Variants in KCNH3 observed in about 807,000 individuals in gnomAD.
KCNH3 encodes voltage-gated inwardly rectifying potassium channel KCNH3.
Under a neutral mutation model 95.6 loss-of-function variants are expected in KCNH3, and 36 were observed. That is an observed-to-expected ratio of 0.38 (90% CI 0.29 to 0.50). The LOEUF (loss-of-function observed/expected upper bound fraction) is 0.50, where lower values mean the gene tolerates loss of function less well. Ranked by LOEUF, KCNH3 falls within the 20% of genes least tolerant of loss-of-function variation. KCNH3 has a pLI of 0.95. For synonymous variants in KCNH3, 620 were observed against 646.3 expected, an observed-to-expected ratio of 0.96 and a Z score of 0.62; for missense variants, 1,030 against 1,484.1, an observed-to-expected ratio of 0.69 and a Z score of 5.03.
chr12:49,547,349 G>A (rs554131761), intron 7 of KCNH3, among the ~76,000 whole-genome samples: 3 of 152,296 alleles, frequency 2.0e-5, no homozygotes, highest in Admixed American at 1.3e-4. Context: ...CTACTTGCCT[G>A]TACTTGTCTT....
rs562707868 is a variant in KCNH3, at chr12:49,555,824, G to T, written c.2341G>T (p.Gly781Cys). 1 of 1,613,336 alleles carries T rather than the reference G, an allele frequency of 6.2e-7. No individual in the cohort carries two copies. Among genetic ancestry groups the T allele is most frequent in the African/African-American group, 1.3e-5 (1 of 75,050 alleles). Reference sequence around the variant, plus strand: ...AACAGCACCCCGGCCTCGTCTAGGTGGCAGAGGGAGGCCAGGCAGGGCAGG... The same window carrying T: ...AACAGCACCCCGGCCTCGTCTAGGTTGCAGAGGGAGGCCAGGCAGGGCAGG... ...RRTAPRPRLG[G>C]RGRPGRAGAL... The change falls in exon 12 of 15, where the codon GGC becomes TGC. Residue 781 changes from glycine (G) to cysteine (C), a missense_variant. Physicochemically the swap from Gly to Cys is radical, Grantham distance 159. This residue lies in a region of KCNH3 where 464 missense variants were observed against 493.2 expected (regional missense o/e 0.94). Transcript: ENST00000257981.
Position 49,539,406 on chromosome 12 carries a change from G to A in KCNH3, c.-11G>A. 1 of 1,539,536 alleles carries A rather than the reference G, an allele frequency of 6.5e-7. No homozygotes were observed. Among genetic ancestry groups the A allele is most frequent in the South Asian group, 1.2e-5 (1 of 84,080 alleles). On this transcript the variant is annotated 5_prime_UTR_variant, in exon 1 of 15. Transcript: ENST00000257981. The surrounding 1 kb of genome is among the most constrained non-coding windows in gnomAD (Gnocchi z 6.7). ...CCGGAGGGATGGGGCGGGCAGCCGC[G>A]GGCGCCTAAGATGCCGGCCATGCGG...
At chr12:49,543,144 C>T in intron 4 of KCNH3, 131 bp from the exon 5 acceptor site, 1 of 1,010,408 alleles carries the variant, frequency 9.9e-7, no homozygotes, top group South Asian at 1.6e-5. Context: ...ATGCTAATGC[C>T]ATCTCGAAGC....
chr12:49,546,730 T>G (rs1034548078), intron 7 of KCNH3, among the ~76,000 whole-genome samples: 1 of 152,200 alleles, frequency 6.6e-6, no homozygotes, highest in Non-Finnish European at 1.5e-5. Flanking sequence ...CTTCAGGGGT[T>G]GCTGATGCCC....
Position 49,557,493 on chromosome 12 carries a change from C to T in KCNH3, c.2792C>T (p.Thr931Ile). The T allele has an allele frequency of 6.2e-7, 1 of 1,611,736 alleles. No individual in the cohort carries two copies. The highest frequency in any genetic ancestry group is 8.5e-7 in the Non-Finnish European group (1 of 1,179,836). ...GGAGAGGGGCCGTGCCCAGCCAGCACCTCCGGGCTTCTGCAGCCTCTGTGT... is the reference window on the plus strand; with the variant it reads ...GGAGAGGGGCCGTGCCCAGCCAGCATCTCCGGGCTTCTGCAGCCTCTGTGT... ...ASGEGPCPAS[T>I]SGLLQPLCVD... is the part of the protein sequence containing the mutation. Residue 931 changes from threonine (T) to isoleucine (I), a missense_variant, in exon 15 of 15, where the codon ACC becomes ATC. Physicochemically the swap from Thr to Ile is moderately conservative, Grantham distance 89 (BLOSUM62 -1). Around this residue, in one of 9 missense-constraint regions of KCNH3, gnomAD observed 464 missense variants for 493.2 expected, o/e 0.94. Coordinates refer to ENST00000257981, the MANE Select transcript of KCNH3 (RefSeq NM_012284.3).
At chr12:49,541,594 G>T (rs1225865605) in intron 2 of KCNH3, 36 bp from the exon 3 acceptor site, 1 of 1,611,980 alleles carries the variant, frequency 6.2e-7, no homozygotes, top group Non-Finnish European at 8.5e-7. Flanking sequence ...GCAGTGCTGA[G>T]AATAGGAGGT....
intron 1 of KCNH3, among the ~76,000 whole-genome samples, chr12:49,540,051 G>A (rs1375088793): frequency 1.3e-5 from 2 of 152,194 alleles, no homozygotes; most frequent in Non-Finnish European, 2.9e-5. Context: ...ATCAGGACTG[G>A]GGAAGTTTGG....
rs1301940263 is a variant in KCNH3 at position 49,544,392 on chromosome 12, G to T, written c.1189+10G>T. On this transcript the variant is annotated intron_variant, in intron 7 of 14. Transcript: ENST00000257981. ...GAGCTGCCTGAGATTGGTACTGGAGGCTCCCTCTGCATGTGGTGGGGAGGG... is the reference window on the plus strand; with the variant it reads ...GAGCTGCCTGAGATTGGTACTGGAGTCTCCCTCTGCATGTGGTGGGGAGGG... 1.2e-6 allele frequency: 2 copies of T among 1,611,514 alleles called. No individual in the cohort carries two copies. The highest frequency in any genetic ancestry group is 1.7e-6 in the Non-Finnish European group (2 of 1,179,702).
chr12:49,547,532 G>C (rs2138148885), intron 7 of KCNH3, among the ~76,000 whole-genome samples: 1 of 152,258 alleles, frequency 6.6e-6, no homozygotes, highest in Non-Finnish European at 1.5e-5. Context: ...CTCCCTTCCT[G>C]CCGTGTGGCA....
In KCNH3 at chr12:49,557,921, C is replaced by G. The variant is rs760466249; in HGVS notation, c.3220C>G (p.Gln1074Glu). 5.9e-6 allele frequency: 9 copies of G among 1,513,154 alleles called. No individual in the cohort carries two copies. In the African/African-American group the frequency reaches 1.3e-4, roughly 21 times the overall value. 93.7% of individuals were successfully genotyped at this position (1,513,154 alleles called of 1,614,324 possible). A position where few individuals can be genotyped will look rare whatever the true frequency, so the allele number is the denominator to read the frequency against. Residue 1074 changes from glutamine to glutamate, a missense_variant, in exon 15 of 15, where the codon CAG becomes GAG. This residue lies in a region of KCNH3 where 464 missense variants were observed against 493.2 expected (regional missense o/e 0.94). Coordinates refer to ENST00000257981, the MANE Select transcript of KCNH3 (RefSeq NM_012284.3). ...LIGCHGSGTVQWTQEEGTGV is the reference protein window; with the variant it reads ...LIGCHGSGTVEWTQEEGTGV ...TGGCTGCCATGGCTCTGGCACAGTC[C>G]AGTGGACCCAGGAAGAAGGCACAGG...
At position 49,541,622 on chromosome 12, in the gene KCNH3, G is replaced by T. The variant is rs982286833; in HGVS notation, c.311-8G>T. On this transcript the variant is annotated splice_region_variant and splice_polypyrimidine_tract_variant and intron_variant, in intron 2 of 14. Coordinates refer to ENST00000257981, the MANE Select transcript of KCNH3 (RefSeq NM_012284.3). ...TAGGAGGTGGGCTGAGTTTGTTTTT[G>T]TGCCCAGGGCTCCCGTTCTGGTGTC... 35 of 1,613,444 alleles carry T rather than the reference G, an allele frequency of 2.2e-5. No individual in the cohort carries two copies. Among genetic ancestry groups the T allele is most frequent in the Non-Finnish European group, 2.9e-5 (34 of 1,179,870 alleles).
At chr12:49,547,665 T>A (rs1471670600) in intron 7 of KCNH3, among the ~76,000 whole-genome samples, 3 of 151,680 alleles carry the variant, frequency 2.0e-5, no homozygotes, top group African/African-American at 7.3e-5. Context: ...AATGAGTGGG[T>A]GGATGACAAG....
chr12:49,555,896 G>A lies in KCNH3; in HGVS notation c.2413G>A (p.Glu805Lys). The A allele has an allele frequency of 6.2e-7, 1 of 1,601,740 alleles. No individual in the cohort carries two copies. The highest frequency in any genetic ancestry group is 8.5e-7 in the Non-Finnish European group (1 of 1,172,950). The change falls in exon 12 of 15, where the codon GAG becomes AAG. Residue 805 changes from glutamate to lysine, a missense_variant. Glu to Lys is a moderately conservative substitution (Grantham distance 56). Transcript: ENST00000257981. ...CCCCTCTGCTCCCCCACGGGCCCTA[G>A]AGGGGCTACGGCTGCCCCCCATGCC... ...AGPSAPPRAL[E>K]GLRLPPMPWN...
In KCNH3 at chr12:49,557,734, G is replaced by A. The variant is rs752767740; in HGVS notation, c.3033G>A (p.Glu1011=). The A allele has an allele frequency of 1.1e-5, 17 of 1,613,480 alleles. No homozygotes were observed. The highest frequency in any genetic ancestry group is 1.6e-4 in the Middle Eastern group (1 of 6,084). Residue 1011 remains glutamate (E), a synonymous_variant, in exon 15 of 15, where the codon GAG becomes GAA. Coordinates refer to ENST00000257981, the MANE Select transcript of KCNH3 (RefSeq NM_012284.3). ...EPPASGDLCS[E]PSTPASPPPS... ...CTGCCTCAGGAGACCTCTGCTCTGA[G>A]CCCAGCACCCCTGCCTCCCCTCCTC...
chr12:49,551,486 G>A (rs1371276756), intron 10 of KCNH3, among the ~76,000 whole-genome samples: 2 of 141,152 alleles, frequency 1.4e-5, no homozygotes, highest in East Asian at 4.3e-4. Context: ...TGAGGCAGAA[G>A]AATTGCTTAA....
chr12:49,548,108 G>A lies in KCNH3; in HGVS notation c.1190-787G>A, dbSNP rs897156406. Among the ~76,000 whole-genome samples, 150 of 151,248 alleles carry A rather than the reference G, an allele frequency of 9.9e-4. 1 individual carries two copies. The highest frequency in any genetic ancestry group is 3.3e-3 in the African/African-American group (135 of 40,962). ...AGCCTGTGACTACGTGTGTGTGTGT[G>A]TGTGTGTGTGTGTGTGTGTGTGTGT... On this transcript the variant is annotated intron_variant, in intron 7 of 14. Transcript: ENST00000257981.
At chr12:49,556,774 T>C in intron 13 of KCNH3, 1 of 663,954 alleles carries the variant, frequency 1.5e-6, no homozygotes, top group Non-Finnish European at 2.8e-6. Context: ...GGTTGATGTT[T>C]ACGTTATATA....
At position 49,550,212 on chromosome 12, in the gene KCNH3, G is replaced by A. The variant is rs546965143; in HGVS notation, c.1801G>A (p.Ala601Thr). ...LRALSLALRP[A>T]FCTPGEYLIH... The stretch of plus-strand genomic sequence containing the variant: ...GGCACTGTCTCTGGCCCTGCGGCCC[G>A]CCTTCTGCACGCCGGGCGAGTACCT... The change falls in exon 10 of 15, where the codon GCC becomes ACC. Residue 601 changes from alanine to threonine, a missense_variant. This residue lies in a region of KCNH3 where 160 missense variants were observed against 316.2 expected (regional missense o/e 0.51). Coordinates refer to ENST00000257981, the MANE Select transcript of KCNH3 (RefSeq NM_012284.3). 9.2e-5 allele frequency: 148 copies of A among 1,609,318 alleles called. 1 individual carries two copies. In the South Asian group the frequency reaches 1.2e-3, roughly 13 times the overall value.
chr12:49,542,777 G>A lies in KCNH3; in HGVS notation c.517G>A (p.Val173Met), dbSNP rs992778632. ...TGCCAACCGGCGGCGGAGCCGGGCC[G>A]TGCTCTACCACCTGTCCGGGCACCT... The part of the protein sequence containing the change: ...FNANRRRSRA[V>M]LYHLSGHLQK... The change falls in exon 4 of 15, where the codon GTG (valine) becomes ATG (methionine). Residue 173 changes from valine to methionine, a missense_variant. Val to Met is a conservative substitution (Grantham distance 21). Around this residue, in one of 9 missense-constraint regions of KCNH3, gnomAD observed 92 missense variants for 92.7 expected, o/e 0.99. Coordinates refer to ENST00000257981, the MANE Select transcript of KCNH3 (RefSeq NM_012284.3). The A allele has an allele frequency of 1.0e-5, 16 of 1,597,722 alleles. No homozygotes were observed. Among genetic ancestry groups the A allele is most frequent in the Non-Finnish European group, 1.4e-5 (16 of 1,173,596 alleles).
Sources: allele counts gnomAD v4.1 joint callset (sites outside exome capture counted in the v4.1 genomes callset), GRCh38; gene constraint gnomAD v4.1.1; regional missense constraint gnomAD v4.1.1; non-coding constraint Gnocchi (gnomAD v3.1); transcripts MANE v1.5; gene names NCBI Gene and HGNC (gene_info 2026-07-23, HGNC 2026-07-21).